ZBTB38: variants seen among roughly 807,000 people sequenced by gnomAD.
ZBTB38 encodes the protein zinc finger and BTB domain-containing protein 38.
In ZBTB38, 20 loss-of-function variants were observed where a neutral mutation model predicts 76.8. The ratio of observed to expected loss-of-function variants is 0.26; its 90% CI spans 0.18 to 0.38. The LOEUF (loss-of-function observed/expected upper bound fraction) is 0.38, where lower values mean the gene tolerates loss of function less well. Among genes scored for constraint, ZBTB38 ranks in the 10% least tolerant of loss-of-function variants. ZBTB38 has a pLI of 1.00. For missense variants in ZBTB38, 1,082 were observed against 1,482.3 expected (o/e 0.73, Z 4.43); for synonymous variants, 504 against 544.2 (o/e 0.93, Z 1.03).
At chr3:141,328,099 T>C (rs1379736611) in intron 1 of ZBTB38, among the ~76,000 whole-genome samples, 1 of 152,186 alleles carries the variant, frequency 6.6e-6, no homozygotes. Flanking sequence ...CATAATATAT[T>C]CATCATTCAT....
intron 4 of ZBTB38, 153 bp downstream of exon 4, chr3:141,387,090 T>G (rs1205855770): frequency 6.6e-6 from 1 of 152,642 alleles, no homozygotes; most frequent in Non-Finnish European, 1.5e-5. Flanking sequence ...TTGCCTAGTA[T>G]TTCAGATGTG....
At chr3:141,426,312 C>A in intron 5 of ZBTB38, 2 of 667,314 alleles carry the variant, frequency 3.0e-6, no homozygotes, top group Non-Finnish European at 4.6e-6. Context: ...TATCATTGAT[C>A]TCAAATTCTT....
At chr3:141,440,300 A>G (rs760881687) in intron 5 of ZBTB38, among the ~76,000 whole-genome samples, 41 of 152,250 alleles carry the variant, frequency 2.7e-4, no homozygotes, top group Non-Finnish European at 4.6e-4. Context: ...TCTGAATTGA[A>G]GAATTTGTTA....
chr3:141,374,025 G>T (rs193079444), intron 2 of ZBTB38, among the ~76,000 whole-genome samples: 203 of 152,190 alleles, frequency 1.3e-3, no homozygotes, highest in Non-Finnish European at 2.4e-3. Context: ...AGCTTCTTGG[G>T]AGGCTGAGGT....
chr3:141,442,574 T>C lies in ZBTB38; in HGVS notation c.186T>C (p.Phe62=). The C allele has an allele frequency of 6.2e-7, 1 of 1,614,258 alleles. No homozygotes were observed. Among genetic ancestry groups the C allele is most frequent in the Non-Finnish European group, 8.5e-7 (1 of 1,180,050 alleles). Reference sequence around the variant, plus strand: ...CAAGCCTGTATTTTAAAAATATCTTTTGGAGCCATACAATCTGTATTTCCA... The same window carrying C: ...CAAGCCTGTATTTTAAAAATATCTTCTGGAGCCATACAATCTGTATTTCCA... The part of the protein sequence containing the change: ...AASSLYFKNI[F]WSHTICISSH... Residue 62 remains phenylalanine, a synonymous_variant, in exon 6 of 6, where the codon TTT becomes TTC. Transcript: ENST00000321464. The surrounding 1 kb of genome is among the most constrained non-coding windows in gnomAD (Gnocchi z 6.4).
chr3:141,414,762 G>A (rs946262387), intron 5 of ZBTB38, among the ~76,000 whole-genome samples: 2 of 152,152 alleles, frequency 1.3e-5, no homozygotes. Context: ...CAGCAGATAC[G>A]TCCTGGTGTA....
rs1431428626 is a variant in ZBTB38, at chr3:141,368,788, G to A, written c.-326G>A. 3 of 151,954 alleles carry A rather than the reference G, an allele frequency of 2.0e-5. No homozygotes were observed. The South Asian group carries it at 6.2e-4, about 32-fold the overall frequency. 9.4% of individuals were successfully genotyped at this position (151,954 alleles called of 1,614,324 possible). ...GAGTTGACAGCGTCTGGGTTTCAGA[G>A]GAGCCAGCGCCTCCGAGTAAGTGAA... On this transcript the variant is annotated 5_prime_UTR_variant, in exon 1 of 6. Coordinates refer to ENST00000321464, the MANE Select transcript of ZBTB38 (RefSeq NM_001376113.1).
chr3:141,375,371 A>G (rs1945221782), intron 2 of ZBTB38, among the ~76,000 whole-genome samples: 1 of 152,218 alleles, frequency 6.6e-6, no homozygotes, highest in Non-Finnish European at 1.5e-5. Context: ...AAAGGCGCCA[A>G]TGAGAAGATT....
chr3:141,373,899 G>A lies in ZBTB38; in HGVS notation c.-235+3953G>A, dbSNP rs151033458. Among the ~76,000 whole-genome samples the A allele has an allele frequency of 3.2e-3, 483 of 152,302 alleles. 3 individuals are homozygous for A. The highest frequency in any genetic ancestry group is 0.011 in the African/African-American group (441 of 41,568). Reference sequence around the variant, plus strand: ...AATCCCAGCACTTTGGGAGGCTGAGGTGCGCAGATTGCTTGAGGCCAGGAG... The same window carrying A: ...AATCCCAGCACTTTGGGAGGCTGAGATGCGCAGATTGCTTGAGGCCAGGAG... On this transcript the variant is annotated intron_variant, in intron 2 of 5. Transcript: ENST00000321464.
intron 1 of ZBTB38, among the ~76,000 whole-genome samples, chr3:141,340,024 G>C (rs2148901718): frequency 6.6e-6 from 1 of 152,340 alleles, no homozygotes; most frequent in South Asian, 2.1e-4. Flanking sequence ...ATTATTCTAA[G>C]TGGTTTGCTC....
rs1327962362 is a variant in ZBTB38 at position 141,413,628 on chromosome 3, G to A, written c.-1+9597G>A. On this transcript the variant is annotated intron_variant, in intron 5 of 5. Transcript: ENST00000321464. This position sits in a 1 kb window ranked among gnomAD's most constrained non-coding sequence, Gnocchi z 4.1. Reference sequence around the variant, plus strand: ...GATGTCAGCTCAGGATACCGGAACCGATAAAAACTCAGTGAGTGTTGCTTC... The same window carrying A: ...GATGTCAGCTCAGGATACCGGAACCAATAAAAACTCAGTGAGTGTTGCTTC... Among the ~76,000 whole-genome samples, 4 of 152,166 alleles carry A rather than the reference G, an allele frequency of 2.6e-5. No homozygotes were observed. The highest frequency in any genetic ancestry group is 7.2e-5 in the African/African-American group (3 of 41,434).
intron 2 of ZBTB38, among the ~76,000 whole-genome samples, chr3:141,372,289 G>A (rs1448537988): frequency 1.3e-5 from 2 of 152,330 alleles, no homozygotes; most frequent in South Asian, 2.1e-4. Flanking sequence ...GTCTTTCCAA[G>A]TTGTTAGGAA....
In ZBTB38 at chr3:141,442,862, C is replaced by T; in HGVS notation, c.474C>T (p.Ile158=). 6.2e-7 allele frequency: 1 copy of T among 1,614,184 alleles called. No individual in the cohort carries two copies. Among genetic ancestry groups the T allele is most frequent in the Non-Finnish European group, 8.5e-7 (1 of 1,180,040 alleles). Residue 158 remains isoleucine (I), a synonymous_variant, in exon 6 of 6, where the codon ATC becomes ATT. Transcript: ENST00000321464. The surrounding 1 kb of genome is among the most constrained non-coding windows in gnomAD (Gnocchi z 6.4). ...KNEKRHEEPA[I]TNGPRITNAF... ...AAAAAAGGCATGAAGAACCAGCCAT[C>T]ACTAATGGGCCAAGGATCACAAATG... is the stretch of plus-strand genomic sequence containing the variant.
intron 5 of ZBTB38, among the ~76,000 whole-genome samples, chr3:141,415,358 C>T (rs1331566239): frequency 6.6e-6 from 1 of 152,148 alleles, no homozygotes; most frequent in Admixed American, 6.5e-5. Flanking sequence ...TGGAATCATT[C>T]TAGAAACTTG....
rs545565885 is a variant in ZBTB38, at chr3:141,421,684, G to T, written c.-1+17653G>T. ...GGAGATTCACACACTGGCTGGAGCC[G>T]TCCTCAGCCCCTCACCCCACTCCCC... On this transcript the variant is annotated intron_variant, in intron 5 of 5. Transcript: ENST00000321464. 2.6e-5 allele frequency among the ~76,000 whole-genome samples: 4 copies of T among 152,234 alleles called. No homozygotes were observed. The South Asian group carries it at 8.3e-4, about 32-fold the overall frequency.
intron 2 of ZBTB38, among the ~76,000 whole-genome samples, chr3:141,376,093 C>T (rs1335877657): frequency 6.6e-6 from 1 of 152,186 alleles, no homozygotes; most frequent in Non-Finnish European, 1.5e-5. Context: ...CAACCCACAC[C>T]CACTGATCAC....
In ZBTB38 at chr3:141,340,961, A is replaced by G. The variant is rs865842647; in HGVS notation, c.-739+16505A>G. Reference sequence around the variant, plus strand: ...AGAAAAGAAAGAAGGAAAGAAAGAAAGAAAGAAAGAAAGAAAGAAAGAAAG... The same window carrying G: ...AGAAAAGAAAGAAGGAAAGAAAGAAGGAAAGAAAGAAAGAAAGAAAGAAAG... On this transcript the variant is annotated intron_variant, in intron 1 of 7. Coordinates refer to the ZBTB38 transcript ENST00000509842. Among the ~76,000 whole-genome samples the G allele has an allele frequency of 2.4e-3, 308 of 128,794 alleles. 3 individuals carry two copies. Among genetic ancestry groups the G allele is most frequent in the Middle Eastern group, 7.5e-3 (2 of 268 alleles). 84.5% of individuals were successfully genotyped at this position (128,794 alleles called of 152,430 possible).
chr3:141,384,277 C>G (rs1391942303), intron 3 of ZBTB38, among the ~76,000 whole-genome samples: 2 of 152,240 alleles, frequency 1.3e-5, no homozygotes, highest in Non-Finnish European at 2.9e-5. Flanking sequence ...TGACCACATT[C>G]ACCACCCTTC....
At chr3:141,331,511 T>A (rs1167527204) in intron 1 of ZBTB38, among the ~76,000 whole-genome samples, 1 of 152,246 alleles carries the variant, frequency 6.6e-6, no homozygotes, top group Non-Finnish European at 1.5e-5. Flanking sequence ...TTATGCCTGC[T>A]TCAAGAATGA....
Sources: gnomAD v4.1 joint callset for allele counts (sites outside exome capture counted in the v4.1 genomes callset) on GRCh38, gnomAD v4.1.1 for gene constraint, Gnocchi (gnomAD v3.1) non-coding constraint, MANE v1.5 for transcripts, NCBI Gene and HGNC (gene_info 2026-07-23, HGNC 2026-07-21) for gene names.